The following CAMK4 variants were observed in gnomAD, a reference collection of about 807,000 sequenced individuals.
CAMK4 encodes the protein calcium/calmodulin-dependent protein kinase type IV.
In CAMK4, 22 loss-of-function variants were observed where a neutral mutation model predicts 44.9. The observed-to-expected ratio is 0.49, with a 90% confidence interval of 0.35 to 0.70. CAMK4 has a LOEUF of 0.70. CAMK4 is among the 30% of genes least tolerant of loss of function. The probability of loss-of-function intolerance (pLI) is 0.01; values close to 1 mark genes in which losing one functional copy is unlikely to be tolerated. For missense variants in CAMK4, 498 were observed against 586.8 expected (o/e 0.85, Z 1.56); for synonymous variants, 218 against 215.4 (o/e 1.01, Z -0.11).
At chr5:111,311,539 A>G (rs921766118) in intron 1 of CAMK4, among the ~76,000 whole-genome samples, 3 of 152,170 alleles carry the variant, frequency 2.0e-5, no homozygotes. Flanking sequence ...GTTGTTCTGG[A>G]CAGTTTGTGA....
At chr5:111,291,260 A>G (rs1004218727) in intron 1 of CAMK4, among the ~76,000 whole-genome samples, 9 of 152,214 alleles carry the variant, frequency 5.9e-5, no homozygotes, top group African/African-American at 1.9e-4. Flanking sequence ...AATATTCAAT[A>G]TGAAACATAT....
At chr5:111,266,245 AAGAGAG>A (rs147487564) in intron 1 of CAMK4, 2 of 144,414 alleles carry the variant, frequency 1.4e-5, no homozygotes, top group African/African-American at 5.0e-5. Context: ...CACACACAGA[AAGAGAG>A]AGAGAGAGAC....
At chr5:111,400,685 A>G (rs1752191295) in intron 5 of CAMK4, among the ~76,000 whole-genome samples, 2 of 152,056 alleles carry the variant, frequency 1.3e-5, no homozygotes. Context: ...TGTTTGAAAG[A>G]TGTTTCCCTC....
chr5:111,441,009 G>A (rs147002546), intron 5 of CAMK4, among the ~76,000 whole-genome samples: 11 of 152,236 alleles, frequency 7.2e-5, no homozygotes, highest in South Asian at 4.1e-4. Flanking sequence ...CAAAGTGGGC[G>A]TTGCAGATGA....
intron 7 of CAMK4, among the ~76,000 whole-genome samples, chr5:111,459,537 A>T (rs1754559196): frequency 1.3e-5 from 2 of 152,188 alleles, no homozygotes; most frequent in South Asian, 4.1e-4. Context: ...ATACATGTAA[A>T]CTAAGTTGAG....
chr5:111,448,091 A>G (rs952118718), intron 6 of CAMK4, among the ~76,000 whole-genome samples: 1 of 152,078 alleles, frequency 6.6e-6, no homozygotes. Context: ...TTCATTCTGC[A>G]CCTGCCTCTC....
At chr5:111,438,616 A>G (rs986090383) in intron 5 of CAMK4, among the ~76,000 whole-genome samples, 2 of 152,196 alleles carry the variant, frequency 1.3e-5, no homozygotes, top group African/African-American at 4.8e-5. Context: ...TATAAAAAGT[A>G]GCAGAAGGAA....
intron 4 of CAMK4, among the ~76,000 whole-genome samples, chr5:111,382,600 C>T (rs1181531228): frequency 1.3e-5 from 2 of 152,060 alleles, no homozygotes; most frequent in Admixed American, 1.3e-4. Context: ...AATTTATTAA[C>T]ATGATACTAT....
chr5:111,459,956 A>G (rs1224221047), intron 7 of CAMK4, among the ~76,000 whole-genome samples: 2 of 152,040 alleles, frequency 1.3e-5, no homozygotes, highest in Non-Finnish European at 1.5e-5. Context: ...AACAGAACCA[A>G]CTGTGCCAGA....
chr5:111,375,860 A>G (rs1751194852), intron 3 of CAMK4, among the ~76,000 whole-genome samples: 1 of 152,096 alleles, frequency 6.6e-6, no homozygotes, highest in Non-Finnish European at 1.5e-5. Flanking sequence ...TTTGCAAGTC[A>G]TCACATCTAT....
At chr5:111,309,407 A>G (rs543313011) in intron 1 of CAMK4, among the ~76,000 whole-genome samples, 36 of 151,896 alleles carry the variant, frequency 2.4e-4, no homozygotes, top group Admixed American at 6.5e-4. Flanking sequence ...TCAACACCCC[A>G]CTCCCTCTCA....
At chr5:111,455,971 T>A (rs1220756810) in intron 7 of CAMK4, among the ~76,000 whole-genome samples, 1 of 152,250 alleles carries the variant, frequency 6.6e-6, no homozygotes, top group Non-Finnish European at 1.5e-5. Flanking sequence ...CAGTACCTGG[T>A]AACTAAAACA....
At chr5:111,477,076 G>T (rs1755271471) in intron 8 of CAMK4, among the ~76,000 whole-genome samples, 1 of 152,146 alleles carries the variant, frequency 6.6e-6, no homozygotes, top group African/African-American at 2.4e-5. Context: ...GCAGGGCAGG[G>T]CAGGCAAGGT....
At chr5:111,426,109 CTAAG>C (rs977170420) in intron 5 of CAMK4, among the ~76,000 whole-genome samples, 29 of 151,666 alleles carry the variant, frequency 1.9e-4, no homozygotes, top group African/African-American at 5.8e-4. Flanking sequence ...AAAAAAAAAT[CTAAG>C]TAGGTTATTT....
intron 5 of CAMK4, among the ~76,000 whole-genome samples, chr5:111,395,814 A>T (rs941373026): frequency 6.6e-6 from 1 of 152,168 alleles, no homozygotes; most frequent in Non-Finnish European, 1.5e-5. Context: ...TCATTTATTG[A>T]ATATGAAACC....
At chr5:111,288,341 G>A (rs1728427709) in intron 1 of CAMK4, among the ~76,000 whole-genome samples, 1 of 152,116 alleles carries the variant, frequency 6.6e-6, no homozygotes, top group Non-Finnish European at 1.5e-5. Flanking sequence ...AAGAGGATTG[G>A]TGCTCATAGG....
chr5:111,243,892 T>G (rs1749115784), intron 1 of CAMK4, among the ~76,000 whole-genome samples: 1 of 152,200 alleles, frequency 6.6e-6, no homozygotes, highest in South Asian at 2.1e-4. Context: ...AGATTCTGAC[T>G]TAGATTTTTT....
chr5:111,229,951 G>A (rs1748387379), intron 1 of CAMK4, among the ~76,000 whole-genome samples: 1 of 152,166 alleles, frequency 6.6e-6, no homozygotes, highest in African/African-American at 2.4e-5. Flanking sequence ...ATGTGCTCAT[G>A]TCTAGCAGAG....
intron 1 of CAMK4, among the ~76,000 whole-genome samples, chr5:111,229,181 A>G (rs1183578705): frequency 6.6e-6 from 1 of 152,224 alleles, no homozygotes; most frequent in Non-Finnish European, 1.5e-5. Flanking sequence ...TGGCTTAAAC[A>G]ATAAATATGC....
Sources: gnomAD v4.1 joint callset for allele counts (sites outside exome capture counted in the v4.1 genomes callset) on GRCh38, gnomAD v4.1.1 for gene constraint, MANE v1.5 for transcripts, NCBI Gene and HGNC (gene_info 2026-07-23, HGNC 2026-07-21) for gene names.